Variants in ALG12 observed in about 807,000 individuals in gnomAD.
ALG12 encodes the protein ALG12 alpha-1,6-mannosyltransferase.
Under a neutral mutation model 46.0 loss-of-function variants are expected in ALG12, and 36 were observed. That is an observed-to-expected ratio of 0.78 (90% CI 0.60 to 1.03). The LOEUF (loss-of-function observed/expected upper bound fraction) is 1.03, where lower values mean the gene tolerates loss of function less well. Ranked by LOEUF, ALG12 falls within the 50% of genes least tolerant of loss-of-function variation. The pLI is 0.00. For missense variants in ALG12, 599 were observed against 633.5 expected (o/e 0.95, Z 0.58); for synonymous variants, 326 against 291.6 (o/e 1.12, Z -1.20).
At chr22:49,912,039 CCGGGATCAGCCTCGGCCG>C in intron 3 of ALG12, among the ~76,000 whole-genome samples, 1 of 151,542 alleles carries the variant, frequency 6.6e-6, no homozygotes, top group East Asian at 1.9e-4. Context: ...ACCCTCGGCC[CCGGGATCAGCCTCGGCCG>C]CGGGATCAGC....
At chr22:49,865,958 C>T in the ALG12 span, among the ~76,000 whole-genome samples, 3 of 151,886 alleles carry the variant, frequency 2.0e-5, no homozygotes, top group Non-Finnish European at 2.9e-5. Flanking sequence ...GCAGCCCTCC[C>T]GCCTCCACCT....
chr22:49,911,981 G>A (rs865986062), intron 3 of ALG12, among the ~76,000 whole-genome samples: 2 of 138,894 alleles, frequency 1.4e-5, no homozygotes, highest in South Asian at 2.4e-4. Flanking sequence ...GATCAGCCTC[G>A]GCTGCGGGAT....
At chr22:49,916,175 C>T (rs1193222948) in intron 1 of ALG12, among the ~76,000 whole-genome samples, 3 of 152,148 alleles carry the variant, frequency 2.0e-5, no homozygotes, top group Non-Finnish European at 4.4e-5. Flanking sequence ...ATGGTGTGAA[C>T]CCAGGAGGTG....
chr22:49,904,366 C>G lies in ALG12; in HGVS notation c.1133G>C (p.Arg378Thr). Residue 378 changes from arginine (R) to threonine (T), a missense_variant, in exon 8 of 10, where the codon AGG (arginine) becomes ACG (threonine). Arg to Thr is a moderately conservative substitution (Grantham distance 71). Coordinates refer to ENST00000330817, the MANE Select transcript of ALG12 (RefSeq NM_024105.4). ...FNYPGGVAMQ[R>T]LHQLVPPQTD... Reference sequence around the variant, plus strand: ...CTGGGGGGGCACCAGCTGGTGCAGCCTCTGCATTGCGACGCCACCTGGGTA... The same window carrying G: ...CTGGGGGGGCACCAGCTGGTGCAGCGTCTGCATTGCGACGCCACCTGGGTA... The G allele has an allele frequency of 1.2e-6, 2 of 1,614,218 alleles. No individual in the cohort carries two copies. Among genetic ancestry groups the G allele is most frequent in the Non-Finnish European group, 1.7e-6 (2 of 1,180,038 alleles).
At chr22:49,908,389 A>AGGTG (rs879320270) in intron 6 of ALG12, among the ~76,000 whole-genome samples, 9,567 of 137,548 alleles carry the variant, frequency 0.07, 567 homozygotes, top group African/African-American at 0.13. Flanking sequence ...TTAGCTGGGC[A>AGGTG]TGGTGGCATG....
In ALG12 at chr22:49,903,615, CG is replaced by C; in HGVS notation, c.*222del. On this transcript the variant is annotated 3_prime_UTR_variant, in exon 10 of 10. Transcript: ENST00000330817. The stretch of plus-strand genomic sequence containing the variant: ...CACCATCACCCTGGGCAGTGGCTCC[CG>C]GGGTGCCAACAAGACCTGGGCCCCT... 1.4e-6 allele frequency: 1 copy of C among 696,870 alleles called. No individual in the cohort carries two copies. The highest frequency in any genetic ancestry group is 1.7e-5 in the African/African-American group (1 of 57,222). The allele number at this position is 696,870 out of a possible 1,614,324, so 43.2% of individuals were successfully genotyped here.
chr22:49,904,116 TC>T, intron 9 of ALG12, 50 bp from the exon 10 acceptor site: 1 of 1,613,924 alleles, frequency 6.2e-7, no homozygotes, highest in African/African-American at 1.3e-5. Flanking sequence ...CATCGCCCTG[TC>T]CCCCGCCCCC....
In ALG12 at chr22:49,904,002, C is replaced by T. The variant is rs1321812802; in HGVS notation, c.1303G>A (p.Glu435Lys). 8 of 1,614,200 alleles carry T rather than the reference C, an allele frequency of 5.0e-6. No individual in the cohort carries two copies. Among genetic ancestry groups the T allele is most frequent in the East Asian group, 4.5e-5 (2 of 44,888 alleles). Residue 435 changes from glutamate to lysine, a missense_variant, in exon 10 of 10, where the codon GAG becomes AAG. Glu to Lys is a moderately conservative substitution (Grantham distance 56). Transcript: ENST00000330817. ...GMLAYTHILMEAAPGLLALYR... is the reference protein window; with the variant it reads ...GMLAYTHILMKAAPGLLALYR... Reference sequence around the variant, plus strand: ...AGGGCCAGGAGCCCAGGGGCCGCCTCCATGAGGATGTGTGTGTATGCCAGC... The same window carrying T: ...AGGGCCAGGAGCCCAGGGGCCGCCTTCATGAGGATGTGTGTGTATGCCAGC...
the ALG12 span, among the ~76,000 whole-genome samples, chr22:49,864,128 C>T: frequency 1.1e-4 from 16 of 152,154 alleles, no homozygotes; most frequent in Non-Finnish European, 1.5e-4. Context: ...TTGGGTTGGC[C>T]GCTGGTTCTA....
chr22:49,863,784 G>A, the ALG12 span, among the ~76,000 whole-genome samples: 2 of 152,166 alleles, frequency 1.3e-5, no homozygotes, highest in East Asian at 1.9e-4. Context: ...AAATTCATCA[G>A]TTTTCACAAT....
the ALG12 span, among the ~76,000 whole-genome samples, chr22:49,869,137 A>G: frequency 2.6e-5 from 4 of 151,162 alleles, no homozygotes; most frequent in East Asian, 3.9e-4. Flanking sequence ...AAAAAAAAAA[A>G]GAAAAATCAC....
In ALG12 at chr22:49,918,325, A is replaced by C. The variant is rs9616378; in HGVS notation, c.-141T>G. The stretch of plus-strand genomic sequence containing the variant: ...GCCTGGGCCAGCCTCGGCAGGAAGC[A>C]GGACGGCGGAAACAGAACAGAGCCC... On this transcript the variant is annotated 5_prime_UTR_variant, in exon 1 of 10. Coordinates refer to ENST00000330817, the MANE Select transcript of ALG12 (RefSeq NM_024105.4). The C allele has an allele frequency of 6.6e-6, 1 of 152,652 alleles. No individual in the cohort carries two copies. The allele number at this position is 152,652 out of a possible 1,614,324, so 9.5% of individuals were successfully genotyped here.
chr22:49,906,690 G>C lies in ALG12; in HGVS notation c.992+1031C>G, dbSNP rs1316923689. Among the ~76,000 whole-genome samples the C allele has an allele frequency of 6.6e-6, 1 of 152,162 alleles. No individual in the cohort carries two copies. Among genetic ancestry groups the C allele is most frequent in the Non-Finnish European group, 1.5e-5 (1 of 68,012 alleles). ...CAGGCCGCGGCCCTCCTGGCCTGTA[G>C]CCCTGCCGCCCCTCAATGCCCAGCG... is the stretch of plus-strand genomic sequence containing the variant. On this transcript the variant is annotated intron_variant, in intron 7 of 9. Transcript: ENST00000330817. This position sits in a 1 kb window ranked among gnomAD's most constrained non-coding sequence, Gnocchi z 4.4.
chr22:49,883,733 TAGA>T, the ALG12 span: 1 of 1,611,116 alleles, frequency 6.2e-7, no homozygotes, highest in Non-Finnish European at 8.5e-7. Flanking sequence ...AAGTTTAAAA[TAGA>T]AGAGGAAGAT....
the ALG12 span, chr22:49,883,610 T>C: frequency 5.4e-6 from 8 of 1,474,044 alleles, no homozygotes; most frequent in South Asian, 1.1e-4. Flanking sequence ...AAATGAGCAC[T>C]TGGATCAGTG....
Position 49,909,411 on chromosome 22 carries a change from T to C in ALG12, c.665-64A>G, listed in dbSNP as rs1230616293. 8 of 1,484,822 alleles carry C rather than the reference T, an allele frequency of 5.4e-6. No individual in the cohort carries two copies. In the African/African-American group the frequency reaches 1.1e-4, roughly 21 times the overall value. The allele number at this position is 1,484,822 out of a possible 1,614,324, so 92.0% of individuals were successfully genotyped here. ...GCCATCAGTAAACATCCCGCCACAATGCAGCCCCCATCACTACAGAAACTA... is the reference window on the plus strand; with the variant it reads ...GCCATCAGTAAACATCCCGCCACAACGCAGCCCCCATCACTACAGAAACTA... On this transcript the variant is annotated intron_variant, in intron 5 of 9. Coordinates refer to ENST00000330817, the MANE Select transcript of ALG12 (RefSeq NM_024105.4).
At chr22:49,888,126 G>A in the ALG12 span, 3 of 167,168 alleles carry the variant, frequency 1.8e-5, no homozygotes, top group African/African-American at 7.2e-5. Context: ...TAGCCTTAGT[G>A]TTTAGATTTT....
At chr22:49,887,077 A>G in the ALG12 span, 6 of 1,614,160 alleles carry the variant, frequency 3.7e-6, no homozygotes, top group Non-Finnish European at 5.1e-6. Flanking sequence ...CAACACACCC[A>G]CTGAGAACGG....
downstream of ALG12, among the ~76,000 whole-genome samples, chr22:49,899,941 T>C (rs985217526): frequency 3.9e-5 from 6 of 152,160 alleles, no homozygotes; most frequent in African/African-American, 1.4e-4. Flanking sequence ...GGAGGATTGC[T>C]TGAAGCCTGG....
Sources: allele counts gnomAD v4.1 joint callset (sites outside exome capture counted in the v4.1 genomes callset), GRCh38; gene constraint gnomAD v4.1.1; non-coding constraint Gnocchi (gnomAD v3.1); transcripts MANE v1.5; gene names NCBI Gene and HGNC (gene_info 2026-07-23, HGNC 2026-07-21).